Variants in CNTNAP2 observed in about 807,000 individuals in gnomAD.
CNTNAP2 encodes the protein contactin-associated protein-like 2.
Under a neutral mutation model 155.2 loss-of-function variants are expected in CNTNAP2, and 98 were observed. That is an observed-to-expected ratio of 0.63 (90% CI 0.54 to 0.75). The LOEUF (loss-of-function observed/expected upper bound fraction) is 0.75. CNTNAP2 is among the 30% of genes least tolerant of loss of function. The pLI, the probability that CNTNAP2 is intolerant of heterozygous loss-of-function variation, is 0.00. For synonymous variants in CNTNAP2, 651 were observed against 631.2 expected (o/e 1.03, Z -0.47); for missense variants, 1,727 against 1,688.1 (o/e 1.02, Z -0.40).
chr7:146,857,958 A>G (rs1795023584), intron 3 of CNTNAP2, among the ~76,000 whole-genome samples: 1 of 152,250 alleles, frequency 6.6e-6, no homozygotes, highest in Non-Finnish European at 1.5e-5. Context: ...GCTTTCAGGC[A>G]TGGAGAACTC....
At chr7:147,954,370 C>G (rs1373097903) in intron 14 of CNTNAP2, among the ~76,000 whole-genome samples, 1 of 151,856 alleles carries the variant, frequency 6.6e-6, no homozygotes, top group Non-Finnish European at 1.5e-5. Context: ...ATAATAAAAG[C>G]TAATGTTTTT....
chr7:146,933,141 G>T (rs1225814008), intron 3 of CNTNAP2, among the ~76,000 whole-genome samples: 1 of 151,814 alleles, frequency 6.6e-6, no homozygotes, highest in Non-Finnish European at 1.5e-5. Flanking sequence ...TCAATCCTAA[G>T]CCAAAAGAAC....
chr7:147,079,201 C>T lies in CNTNAP2; in HGVS notation c.551-28946C>T, dbSNP rs551883614. Among the ~76,000 whole-genome samples the T allele has an allele frequency of 5.9e-5, 9 of 152,200 alleles. No individual in the cohort carries two copies. The East Asian group carries it at 9.7e-4, about 16-fold the overall frequency. ...GATTTAATCCTCACTAACTGTGCTA[C>T]GAGGTAGATGTTATTATTATCCCCA... On this transcript the variant is annotated intron_variant, in intron 4 of 23. Coordinates refer to ENST00000361727, the MANE Select transcript of CNTNAP2 (RefSeq NM_014141.6).
chr7:146,667,856 G>T (rs539686853), intron 1 of CNTNAP2, among the ~76,000 whole-genome samples: 2 of 152,018 alleles, frequency 1.3e-5, no homozygotes, highest in African/African-American at 4.8e-5. Context: ...TGGTTTATCA[G>T]CTCTAAGAGT....
intron 1 of CNTNAP2, among the ~76,000 whole-genome samples, chr7:146,649,883 G>A (rs192821280): frequency 3.3e-5 from 5 of 152,054 alleles, no homozygotes; most frequent in South Asian, 4.2e-4. Flanking sequence ...AAAAGAAGAC[G>A]TTTATGCGGC....
intron 22 of CNTNAP2, among the ~76,000 whole-genome samples, chr7:148,399,598 C>T (rs1799540973): frequency 6.6e-6 from 1 of 152,118 alleles, no homozygotes; most frequent in Admixed American, 6.6e-5. Flanking sequence ...CTAAGATAAC[C>T]ATTTATTAAA....
intron 13 of CNTNAP2, among the ~76,000 whole-genome samples, chr7:147,878,341 G>A (rs1321868513): frequency 6.6e-6 from 1 of 151,894 alleles, no homozygotes; most frequent in East Asian, 1.9e-4. Context: ...ATTAATTCTT[G>A]TTCTCTAGCT....
intron 13 of CNTNAP2, among the ~76,000 whole-genome samples, chr7:147,763,811 A>T (rs944651184): frequency 4.6e-5 from 7 of 152,164 alleles, no homozygotes; most frequent in African/African-American, 1.7e-4. Context: ...CAAGTTGAGA[A>T]GAATATTCTT....
At chr7:147,200,001 C>T (rs1314196232) in intron 8 of CNTNAP2, among the ~76,000 whole-genome samples, 1 of 152,072 alleles carries the variant, frequency 6.6e-6, no homozygotes, top group Non-Finnish European at 1.5e-5. Flanking sequence ...TTCAGCCACA[C>T]TCAGGCACAA....
At chr7:146,776,360 C>G (rs1802390081) in intron 2 of CNTNAP2, among the ~76,000 whole-genome samples, 1 of 152,082 alleles carries the variant, frequency 6.6e-6, no homozygotes. Flanking sequence ...TAAATTTGGG[C>G]AAGTCAGGTT....
intron 13 of CNTNAP2, among the ~76,000 whole-genome samples, chr7:147,801,527 T>C (rs1449635483): frequency 1.3e-5 from 2 of 151,770 alleles, no homozygotes; most frequent in African/African-American, 2.4e-5. Context: ...TGATGATTCT[T>C]AACGAGCATG....
At chr7:147,033,176 A>ATATATATG (rs1554427675) in intron 3 of CNTNAP2, among the ~76,000 whole-genome samples, 2 of 49,522 alleles carry the variant, frequency 4.0e-5, no homozygotes, top group African/African-American at 1.5e-4. Context: ...ATATATATAT[A>ATATATATG]TATATATATA....
At chr7:147,152,957 C>T (rs1369302309) in intron 8 of CNTNAP2, among the ~76,000 whole-genome samples, 1 of 152,032 alleles carries the variant, frequency 6.6e-6, no homozygotes, top group African/African-American at 2.4e-5. Flanking sequence ...TTCATGCTGG[C>T]TTTACAAACT....
chr7:148,286,221 T>C (rs1286778417), intron 21 of CNTNAP2, among the ~76,000 whole-genome samples: 1 of 152,100 alleles, frequency 6.6e-6, no homozygotes, highest in East Asian at 1.9e-4. Context: ...ACCATATTGT[T>C]CAAGGGTCAA....
At chr7:148,288,684 A>T (rs892220388) in intron 21 of CNTNAP2, among the ~76,000 whole-genome samples, 8 of 152,118 alleles carry the variant, frequency 5.3e-5, no homozygotes, top group African/African-American at 1.9e-4. Flanking sequence ...CTATTTTTTG[A>T]AAATTGTTCC....
chr7:148,228,456 C>T (rs1440003478), intron 19 of CNTNAP2, among the ~76,000 whole-genome samples: 1 of 152,108 alleles, frequency 6.6e-6, no homozygotes, highest in Non-Finnish European at 1.5e-5. Flanking sequence ...TGTTGATTTG[C>T]ATTTGATTAG....
rs4016094 is a variant in CNTNAP2, at chr7:146,332,941, ATTTTTTTTTT to A, written c.97+215982_97+215991del. 5.9e-5 allele frequency among the ~76,000 whole-genome samples: 6 copies of A among 102,460 alleles called. No homozygotes were observed. In the South Asian group the frequency reaches 9.4e-4, roughly 16 times the overall value. The allele number at this position is 102,460 out of a possible 152,430, so 67.2% of individuals were successfully genotyped here. A position where few individuals can be genotyped will look rare whatever the true frequency, so the allele number is the denominator to read the frequency against. On this transcript the variant is annotated intron_variant, in intron 1 of 23. Transcript: ENST00000361727. ...AATTTCTTCTTCTTTTTCTTCTTCT[ATTTTTTTTTT>A]TTTTTTTTTTTTTGACAGGTCTCAC... is the stretch of plus-strand genomic sequence containing the variant.
chr7:146,848,795 C>T (rs944926373), intron 3 of CNTNAP2, among the ~76,000 whole-genome samples: 1 of 152,156 alleles, frequency 6.6e-6, no homozygotes, highest in African/African-American at 2.4e-5. Flanking sequence ...TATTTAGAGA[C>T]AGAATCTCGC....
At chr7:148,022,349 G>T (rs1261386741) in intron 15 of CNTNAP2, among the ~76,000 whole-genome samples, 1 of 151,812 alleles carries the variant, frequency 6.6e-6, no homozygotes, top group African/African-American at 2.4e-5. Flanking sequence ...GGCACCTGTA[G>T]TCCCAGCTAC....
Sources: gnomAD v4.1 joint callset for allele counts (sites outside exome capture counted in the v4.1 genomes callset) on GRCh38, gnomAD v4.1.1 for gene constraint, MANE v1.5 for transcripts, NCBI Gene and HGNC (gene_info 2026-07-23, HGNC 2026-07-21) for gene names.